Variants in MRPL3 observed in about 807,000 individuals in gnomAD.
MRPL3 encodes the protein large ribosomal subunit protein uL3m.
A neutral mutation model predicts 44.3 loss-of-function variants in MRPL3; 43 were observed. That is an observed-to-expected ratio of 0.97 (90% CI 0.76 to 1.25). The LOEUF (loss-of-function observed/expected upper bound fraction) is 1.25. MRPL3 is among the 50% of genes most tolerant of loss of function. The pLI is 0.00. For synonymous variants in MRPL3, 171 were observed against 152.3 expected (o/e 1.12, Z -0.91); for missense variants, 406 against 427.6 (o/e 0.95, Z 0.45).
intron 9 of MRPL3, among the ~76,000 whole-genome samples, chr3:131,467,081 T>C (rs759641265): frequency 3.9e-5 from 6 of 152,134 alleles, no homozygotes; most frequent in African/African-American, 7.2e-5. Flanking sequence ...AGTGAGATCA[T>C]GCAATATTTG....
At chr3:131,467,570 T>G (rs549857158) in intron 9 of MRPL3, among the ~76,000 whole-genome samples, 3 of 152,046 alleles carry the variant, frequency 2.0e-5, no homozygotes, top group Non-Finnish European at 4.4e-5. Flanking sequence ...TCTCACAAGA[T>G]CTTGTTTAAA....
chr3:131,489,926 A>G (rs1934213577), intron 5 of MRPL3, 55 bp downstream of exon 5: 2 of 1,100,544 alleles, frequency 1.8e-6, no homozygotes, highest in Middle Eastern at 2.9e-4. Context: ...CTGACATTAA[A>G]CAAATTGCAT....
chr3:131,475,011 G>C (rs1933824641), intron 6 of MRPL3, among the ~76,000 whole-genome samples: 1 of 151,954 alleles, frequency 6.6e-6, no homozygotes, highest in African/African-American at 2.4e-5. Flanking sequence ...CGAACTTCTA[G>C]CCTTGAGTGA....
chr3:131,481,381 C>T (rs959492883), intron 6 of MRPL3, among the ~76,000 whole-genome samples: 1 of 152,186 alleles, frequency 6.6e-6, no homozygotes, highest in South Asian at 2.1e-4. Flanking sequence ...GTAGCTAATA[C>T]TCCTGAGCAT....
rs77574007 is a variant in MRPL3 at position 131,485,458 on chromosome 3, T to G, written c.629+2222A>C. ...CAAAATTACTATGTGGCATTTTATA[T>G]GCAATAATTCAAAAATTAACAAGTA... is the stretch of plus-strand genomic sequence containing the variant. On this transcript the variant is annotated intron_variant, in intron 6 of 9. Coordinates refer to ENST00000264995, the MANE Select transcript of MRPL3 (RefSeq NM_007208.4). 6.0e-3 allele frequency among the ~76,000 whole-genome samples: 913 copies of G among 152,308 alleles called. 13 individuals carry two copies. The highest frequency in any genetic ancestry group is 0.021 in the African/African-American group (853 of 41,550).
Position 131,485,346 on chromosome 3 carries a change from C to T in MRPL3, c.629+2334G>A, listed in dbSNP as rs563123674. ...CCACAAGGCAAATGTTAACAAAGGC[C>T]TCTGACTTTGCGTGGTTTCTTAGAA... On this transcript the variant is annotated intron_variant, in intron 6 of 9. Coordinates refer to ENST00000264995, the MANE Select transcript of MRPL3 (RefSeq NM_007208.4). Among the ~76,000 whole-genome samples, 16 of 152,234 alleles carry T rather than the reference C, an allele frequency of 1.1e-4. No individual in the cohort carries two copies. The South Asian group carries it at 1.7e-3, about 16-fold the overall frequency.
In MRPL3 at chr3:131,502,072, A is replaced by G. The variant is rs139134924; in HGVS notation, c.93-357T>C. 313 of 645,646 alleles carry G rather than the reference A, an allele frequency of 4.8e-4. No homozygotes were observed. The African/African-American group carries it at 5.0e-3, about 10-fold the overall frequency. 40.0% of individuals were successfully genotyped at this position (645,646 alleles called of 1,614,324 possible). On this transcript the variant is annotated intron_variant, in intron 1 of 9. Coordinates refer to ENST00000264995, the MANE Select transcript of MRPL3 (RefSeq NM_007208.4). ...GGAGGTGGCAGAAGGTGGCATGTTG[A>G]TCTTTGTCTAACAAGCTCACCTCCT... is the stretch of plus-strand genomic sequence containing the variant.
Position 131,498,280 on chromosome 3 carries a change from A to T in MRPL3, c.370-3T>A. ...TTTAAGACATGACAGTCTTGTACCT[A>T]AAAAAACAAACATAAAAAAACTAAG... is the stretch of plus-strand genomic sequence containing the variant. On this transcript the variant is annotated splice_region_variant and splice_polypyrimidine_tract_variant and intron_variant, in intron 3 of 9. Transcript: ENST00000264995. 1 of 1,574,580 alleles carries T rather than the reference A, an allele frequency of 6.4e-7. No homozygotes were observed. The highest frequency in any genetic ancestry group is 2.2e-5 in the East Asian group (1 of 44,652).
rs1933515736 is a variant in MRPL3, at chr3:131,462,664, T to C, written c.*59A>G. The C allele has an allele frequency of 8.1e-6, 12 of 1,478,390 alleles. No individual in the cohort carries two copies. The highest frequency in any genetic ancestry group is 1.1e-5 in the Non-Finnish European group (12 of 1,092,394). The allele number at this position is 1,478,390 out of a possible 1,614,324, so 91.6% of individuals were successfully genotyped here. ...AGAGTATGATTTCTGGTGGTTATGA[T>C]ATCACTCTGGCTCATCGAAGCTCAC... On this transcript the variant is annotated 3_prime_UTR_variant, in exon 10 of 10. Transcript: ENST00000264995.
chr3:131,479,020 A>G, intron 6 of MRPL3: 1 of 393,498 alleles, frequency 2.5e-6, no homozygotes, highest in Non-Finnish European at 4.9e-6. Flanking sequence ...AATTTTTAAA[A>G]ATCAAAATCC....
At chr3:131,465,644 G>C (rs1197379558) in intron 9 of MRPL3, among the ~76,000 whole-genome samples, 3 of 152,090 alleles carry the variant, frequency 2.0e-5, no homozygotes, top group African/African-American at 7.2e-5. Flanking sequence ...TCCTTTATCA[G>C]GTTGTGCTAT....
intron 7 of MRPL3, among the ~76,000 whole-genome samples, chr3:131,470,825 A>G (rs559273530): frequency 2.0e-5 from 3 of 152,258 alleles, no homozygotes; most frequent in Non-Finnish European, 2.9e-5. Context: ...ACATTTACTT[A>G]TCTACTCAAT....
At chr3:131,498,940 T>C (rs1479030620) in intron 3 of MRPL3, among the ~76,000 whole-genome samples, 1 of 152,128 alleles carries the variant, frequency 6.6e-6, no homozygotes, top group Non-Finnish European at 1.5e-5. Context: ...AAGACACTGA[T>C]TCTCAGGCCT....
At chr3:131,495,031 A>G (rs1934336931) in intron 4 of MRPL3, among the ~76,000 whole-genome samples, 1 of 152,144 alleles carries the variant, frequency 6.6e-6, no homozygotes, top group Non-Finnish European at 1.5e-5. Flanking sequence ...ACTATGTACT[A>G]CCTCAGTTTT....
intron 4 of MRPL3, among the ~76,000 whole-genome samples, chr3:131,492,814 C>T (rs765476245): frequency 2.0e-5 from 3 of 152,148 alleles, no homozygotes; most frequent in Admixed American, 6.5e-5. Flanking sequence ...GTAGAACCTG[C>T]TGTCTGCTCT....
Position 131,468,121 on chromosome 3 carries a change from A to G in MRPL3, c.864T>C (p.Ser288=), listed in dbSNP as rs1310695952. 1 of 1,594,050 alleles carries G rather than the reference A, an allele frequency of 6.3e-7. No homozygotes were observed. Among genetic ancestry groups the G allele is most frequent in the Admixed American group, 1.8e-5 (1 of 56,130 alleles). ...CTAAGCAATTTTTATGTCCAGGTAC[A>G]GAGCCATTTACATAGATTATGTTGT... ...TKHNIIYVNG[S]VPGHKNCLVK... The change falls in exon 9 of 10, where the codon TCT becomes TCC. Residue 288 remains serine (S), a synonymous_variant. Transcript: ENST00000264995.
rs574510134 is a variant in MRPL3 at position 131,476,629 on chromosome 3, T to C, written c.630-5350A>G. 3.2e-4 allele frequency among the ~76,000 whole-genome samples: 49 copies of C among 152,316 alleles called. No homozygotes were observed. The East Asian group carries it at 8.5e-3, about 26-fold the overall frequency. ...TAGAGATCCCAATTTTAGTTAGATATATTTGAAAATTAAGAAGACATAAAA... is the reference window on the plus strand; with the variant it reads ...TAGAGATCCCAATTTTAGTTAGATACATTTGAAAATTAAGAAGACATAAAA... On this transcript the variant is annotated intron_variant, in intron 6 of 9. Coordinates refer to ENST00000264995, the MANE Select transcript of MRPL3 (RefSeq NM_007208.4).
chr3:131,477,318 G>A (rs1165519105), intron 6 of MRPL3, among the ~76,000 whole-genome samples: 2 of 152,076 alleles, frequency 1.3e-5, no homozygotes, highest in Non-Finnish European at 2.9e-5. Flanking sequence ...CCCTTGAGAA[G>A]CCACTGGATT....
intron 4 of MRPL3, among the ~76,000 whole-genome samples, chr3:131,497,200 T>C (rs1435882585): frequency 6.6e-6 from 1 of 152,250 alleles, no homozygotes; most frequent in Non-Finnish European, 1.5e-5. Context: ...AAGACACAGT[T>C]AAGTAAGGCT....
Sources: gnomAD v4.1 joint callset for allele counts (sites outside exome capture counted in the v4.1 genomes callset) on GRCh38, gnomAD v4.1.1 for gene constraint, MANE v1.5 for transcripts, NCBI Gene and HGNC (gene_info 2026-07-23, HGNC 2026-07-21) for gene names.